The following FNBP1L variants were observed in gnomAD, a reference collection of about 807,000 sequenced individuals.
FNBP1L encodes formin binding protein 1 like.
FNBP1L carries 36 observed loss-of-function variants against 91.2 expected under a neutral mutation model. The ratio of observed to expected loss-of-function variants is 0.39; its 90% CI spans 0.30 to 0.52. FNBP1L has a LOEUF of 0.52. FNBP1L is among the 20% of genes least tolerant of loss of function. The pLI is 0.66. For synonymous variants in FNBP1L, 242 were observed against 237.0 expected (o/e 1.02, Z -0.19); for missense variants, 571 against 732.1 (o/e 0.78, Z 2.54).
rs751004927 is a variant in FNBP1L, at chr1:93,546,843, G to C, written c.1276G>C (p.Asp426His). 1 of 1,611,316 alleles carries C rather than the reference G, an allele frequency of 6.2e-7. No individual in the cohort carries two copies. The highest frequency in any genetic ancestry group is 8.5e-7 in the Non-Finnish European group (1 of 1,178,802). The change falls in exon 13 of 17, where the codon GAT becomes CAT. Residue 426 changes from aspartate to histidine, a missense_variant and splice_region_variant. Coordinates refer to ENST00000271234, the MANE Select transcript of FNBP1L (RefSeq NM_001164473.3). ...RELQKESDQK[D>H]ALNKMKDVYE... Reference sequence around the variant, plus strand: ...TCTGGGGTTCCTTCTCTTTTTTAGAGATGCACTCAACAAAATGAAAGATGT... The same window carrying C: ...TCTGGGGTTCCTTCTCTTTTTTAGACATGCACTCAACAAAATGAAAGATGT...
At chr1:93,494,782 CAGTT>C (rs1452245041) in intron 1 of FNBP1L, among the ~76,000 whole-genome samples, 1 of 152,186 alleles carries the variant, frequency 6.6e-6, no homozygotes, top group Admixed American at 6.5e-5. Context: ...AATTGACTCA[CAGTT>C]AGTTCCACAT....
intron 1 of FNBP1L, among the ~76,000 whole-genome samples, chr1:93,451,678 A>G (rs2101679432): frequency 6.6e-6 from 1 of 152,094 alleles, no homozygotes; most frequent in South Asian, 2.1e-4. Flanking sequence ...TTTGAGATGG[A>G]GTCTCTTCTG....
intron 1 of FNBP1L, among the ~76,000 whole-genome samples, chr1:93,478,993 ATCAAAATTTGTAAC>A (rs1204669188): frequency 1.4e-4 from 22 of 152,238 alleles, no homozygotes; most frequent in African/African-American, 5.3e-4. Context: ...AAATTTGTAC[ATCAAAATTTGTAAC>A]TCTTCTAAAT....
intron 1 of FNBP1L, among the ~76,000 whole-genome samples, chr1:93,467,193 G>A (rs1422936939): frequency 1.3e-5 from 2 of 152,268 alleles, no homozygotes; most frequent in East Asian, 3.9e-4. Flanking sequence ...GTCCACCCGT[G>A]TGTATAGCAG....
chr1:93,493,141 A>G (rs1030653007), intron 1 of FNBP1L, among the ~76,000 whole-genome samples: 1 of 152,086 alleles, frequency 6.6e-6, no homozygotes, highest in East Asian at 1.9e-4. Flanking sequence ...ATATGCGCCT[A>G]TAGTCCCAGC....
At chr1:93,502,090 T>C (rs1373466480) in intron 2 of FNBP1L, among the ~76,000 whole-genome samples, 1 of 152,232 alleles carries the variant, frequency 6.6e-6, no homozygotes, top group Non-Finnish European at 1.5e-5. Context: ...ATGATGAATG[T>C]GCAGTAAGAA....
chr1:93,513,300 C>G (rs1192175402), intron 2 of FNBP1L, among the ~76,000 whole-genome samples: 1 of 151,424 alleles, frequency 6.6e-6, no homozygotes, highest in Admixed American at 6.6e-5. Flanking sequence ...CAAAAAGAGT[C>G]CAGGACCAGA....
At position 93,532,963 on chromosome 1, in the gene FNBP1L, T is replaced by C. The variant is rs531482489; in HGVS notation, c.681T>C (p.Ser227=). 39 of 1,612,026 alleles carry C rather than the reference T, an allele frequency of 2.4e-5. No individual in the cohort carries two copies. The South Asian group carries it at 4.3e-4, about 18-fold the overall frequency. ...EMDERRTIKL[S]ECYRGFADSE... is the part of the protein sequence containing the mutation. ...ACGAACGAAGGACTATTAAACTCAG[T>C]GAGTGTTACAGAGGATTTGCTGACT... The change falls in exon 8 of 17, where the codon AGT becomes AGC. Residue 227 remains serine (S), a synonymous_variant. Transcript: ENST00000271234.
At chr1:93,504,581 C>T (rs1291014860) in intron 2 of FNBP1L, among the ~76,000 whole-genome samples, 2 of 152,146 alleles carry the variant, frequency 1.3e-5, no homozygotes, top group East Asian at 3.8e-4. Context: ...CTGTGTCACT[C>T]TTTTGTCCGG....
intron 2 of FNBP1L, among the ~76,000 whole-genome samples, chr1:93,519,054 T>C (rs1671229615): frequency 6.6e-6 from 1 of 152,250 alleles, no homozygotes; most frequent in Non-Finnish European, 1.5e-5. Flanking sequence ...GTCAGTCTAG[T>C]ATCTGAAATA....
At chr1:93,476,104 A>G (rs1254997662) in intron 1 of FNBP1L, among the ~76,000 whole-genome samples, 1 of 152,070 alleles carries the variant, frequency 6.6e-6, no homozygotes, top group East Asian at 1.9e-4. Context: ...GTTTAATTTC[A>G]TTGGTATGTT....
intron 2 of FNBP1L, among the ~76,000 whole-genome samples, chr1:93,504,343 G>C (rs770446615): frequency 6.6e-6 from 1 of 151,980 alleles, no homozygotes; most frequent in Non-Finnish European, 1.5e-5. Flanking sequence ...TAAATATTTC[G>C]GGTAGGCTTA....
intron 2 of FNBP1L, among the ~76,000 whole-genome samples, chr1:93,511,776 C>A (rs1479034474): frequency 6.6e-6 from 1 of 151,788 alleles, no homozygotes; most frequent in African/African-American, 2.4e-5. Flanking sequence ...ACCATCCCGG[C>A]TAAAACGGTG....
At chr1:93,550,272 C>T (rs1376647487) in intron 15 of FNBP1L, among the ~76,000 whole-genome samples, 2 of 152,082 alleles carry the variant, frequency 1.3e-5, no homozygotes, top group African/African-American at 2.4e-5. Context: ...TTGCTTGAGC[C>T]CAGGAGTTCG....
intron 2 of FNBP1L, among the ~76,000 whole-genome samples, chr1:93,506,174 G>C (rs1670605334): frequency 6.6e-6 from 1 of 152,176 alleles, no homozygotes; most frequent in Non-Finnish European, 1.5e-5. Context: ...CATACTGCTA[G>C]AAGGCTTGGT....
chr1:93,499,115 A>G (rs1670360869), intron 1 of FNBP1L, among the ~76,000 whole-genome samples: 1 of 152,186 alleles, frequency 6.6e-6, no homozygotes, highest in African/African-American at 2.4e-5. Context: ...GGACCTGGAG[A>G]AAGTCTGAGA....
At chr1:93,469,468 A>G (rs1200266564) in intron 1 of FNBP1L, among the ~76,000 whole-genome samples, 2 of 152,080 alleles carry the variant, frequency 1.3e-5, no homozygotes, top group East Asian at 1.9e-4. Flanking sequence ...GTGCCACATT[A>G]TCTTTATCCA....
In FNBP1L at chr1:93,464,231, A is replaced by G. The variant is rs936878516; in HGVS notation, c.24+15926A>G. ...ATTTCACTTCTGAGCATATACCCAA[A>G]GAATTGAAAGTAGGGTTTTGAACAA... On this transcript the variant is annotated intron_variant, in intron 1 of 16. Coordinates refer to ENST00000271234, the MANE Select transcript of FNBP1L (RefSeq NM_001164473.3). Among the ~76,000 whole-genome samples, 6 of 152,212 alleles carry G rather than the reference A, an allele frequency of 3.9e-5. 1 individual carries two copies. The highest frequency in any genetic ancestry group is 2.1e-4 in the South Asian group (1 of 4,832).
At chr1:93,452,616 A>G (rs1668533914) in intron 1 of FNBP1L, among the ~76,000 whole-genome samples, 1 of 152,116 alleles carries the variant, frequency 6.6e-6, no homozygotes, top group South Asian at 2.1e-4. Flanking sequence ...ATTTTTAGAG[A>G]TGGGGTCTTG....
Sources: gnomAD v4.1 joint callset for allele counts (sites outside exome capture counted in the v4.1 genomes callset) on GRCh38, gnomAD v4.1.1 for gene constraint, MANE v1.5 for transcripts, NCBI Gene and HGNC (gene_info 2026-07-23, HGNC 2026-07-21) for gene names.